Variants in PAPPA2 observed in about 807,000 individuals in gnomAD.
PAPPA2 encodes the protein pappalysin 2.
A neutral mutation model predicts 176.4 loss-of-function variants in PAPPA2; 86 were observed. The ratio of observed to expected loss-of-function variants is 0.49; its 90% CI spans 0.41 to 0.58. The LOEUF is 0.58. PAPPA2 is among the 20% of genes least tolerant of loss of function. The probability of loss-of-function intolerance (pLI) is 0.00; values close to 1 mark genes in which losing one functional copy is unlikely to be tolerated. For missense variants in PAPPA2, 2,073 were observed against 2,256.9 expected, an observed-to-expected ratio of 0.92 and a Z score of 1.65; for synonymous variants, 809 against 852.2, an observed-to-expected ratio of 0.95 and a Z score of 0.88.
In PAPPA2 at chr1:176,793,542, A is replaced by G. The variant is rs1193298872; in HGVS notation, c.5021-18A>G. 1.3e-6 allele frequency: 2 copies of G among 1,577,482 alleles called. No homozygotes were observed. The highest frequency in any genetic ancestry group is 1.7e-6 in the Non-Finnish European group (2 of 1,148,434). ...TCTGGGAAGTTCAAGTCTCTGCTGT[A>G]AACTTCTGTTCTTTCAGGTGCAGTG... On this transcript the variant is annotated intron_variant, in intron 19 of 22. Coordinates refer to ENST00000367662, the MANE Select transcript of PAPPA2 (RefSeq NM_020318.3).
chr1:176,494,724 G>A (rs950765307), intron 1 of PAPPA2, among the ~76,000 whole-genome samples: 4 of 152,094 alleles, frequency 2.6e-5, no homozygotes, highest in Admixed American at 6.6e-5. Flanking sequence ...CTCCTCATTC[G>A]TCACTCTCTC....
intron 2 of PAPPA2, among the ~76,000 whole-genome samples, chr1:176,563,527 T>C (rs1257855441): frequency 6.6e-6 from 1 of 152,194 alleles, no homozygotes; most frequent in African/African-American, 2.4e-5. Context: ...TTATGTGTTC[T>C]CTGTGGTGGC....
At chr1:176,819,590 G>C (rs965482731) in intron 21 of PAPPA2, among the ~76,000 whole-genome samples, 1 of 152,148 alleles carries the variant, frequency 6.6e-6, no homozygotes, top group Non-Finnish European at 1.5e-5. Flanking sequence ...ATGTTTGTGA[G>C]GGCATTTGTA....
intron 1 of PAPPA2, among the ~76,000 whole-genome samples, chr1:176,489,883 A>G (rs1198813654): frequency 5.3e-5 from 8 of 152,140 alleles, no homozygotes; most frequent in Non-Finnish European, 1.0e-4. Flanking sequence ...TCATTCAGCT[A>G]TTTATCTCTG....
At chr1:176,784,669 C>T (rs903670178) in intron 17 of PAPPA2, among the ~76,000 whole-genome samples, 3 of 151,842 alleles carry the variant, frequency 2.0e-5, no homozygotes, top group Non-Finnish European at 4.4e-5. Flanking sequence ...TCACTACAAC[C>T]TCCGCCTCCC....
chr1:176,584,145 G>A (rs986307962), intron 2 of PAPPA2, among the ~76,000 whole-genome samples: 3 of 152,192 alleles, frequency 2.0e-5, no homozygotes, highest in Non-Finnish European at 4.4e-5. Context: ...CAGCTGTTGT[G>A]TGAAATGTTC....
chr1:176,830,205 A>G (rs1355482874), intron 21 of PAPPA2, among the ~76,000 whole-genome samples: 2 of 152,184 alleles, frequency 1.3e-5, no homozygotes, highest in Non-Finnish European at 2.9e-5. Context: ...CCCATCTCTT[A>G]AAAAATAAAT....
chr1:176,582,090 A>ATT (rs1347048550), intron 2 of PAPPA2, among the ~76,000 whole-genome samples: 4 of 147,312 alleles, frequency 2.7e-5, no homozygotes, highest in African/African-American at 1.0e-4. Context: ...CGCCCGGCTA[A>ATT]TTTTTTTTTT....
intron 21 of PAPPA2, among the ~76,000 whole-genome samples, chr1:176,811,025 T>C (rs953279326): frequency 1.3e-5 from 2 of 152,182 alleles, no homozygotes; most frequent in Non-Finnish European, 2.9e-5. Context: ...TATTACACTT[T>C]AGTAATATAT....
rs555245899 is a variant in PAPPA2, at chr1:176,764,135, C to G, written c.4152-1531C>G. Among the ~76,000 whole-genome samples, 3 of 152,228 alleles carry G rather than the reference C, an allele frequency of 2.0e-5. No homozygotes were observed. In the East Asian group the frequency reaches 5.8e-4, roughly 29 times the overall value. ...TCACTACCACAAGAACAGCACTAAGCCATTCATGAGGGATCCACCCTCATG... is the reference window on the plus strand; with the variant it reads ...TCACTACCACAAGAACAGCACTAAGGCATTCATGAGGGATCCACCCTCATG... On this transcript the variant is annotated intron_variant, in intron 14 of 22. Coordinates refer to ENST00000367662, the MANE Select transcript of PAPPA2 (RefSeq NM_020318.3).
At chr1:176,465,856 CTCA>C (rs1651596188) in intron 1 of PAPPA2, among the ~76,000 whole-genome samples, 1 of 152,008 alleles carries the variant, frequency 6.6e-6, no homozygotes, top group African/African-American at 2.4e-5. Context: ...GTCATGTGTT[CTCA>C]TCATTTAGCT....
chr1:176,782,481 G>A (rs1386913988), intron 17 of PAPPA2, among the ~76,000 whole-genome samples: 1 of 152,028 alleles, frequency 6.6e-6, no homozygotes, highest in African/African-American at 2.4e-5. Context: ...GATGCTTTTG[G>A]GTGGTAAGAA....
At chr1:176,760,326 A>G (rs369520018) in intron 14 of PAPPA2, among the ~76,000 whole-genome samples, 7 of 152,364 alleles carry the variant, frequency 4.6e-5, no homozygotes, top group African/African-American at 1.7e-4. Flanking sequence ...ATAGTAAAAC[A>G]TAATGATGAA....
At chr1:176,765,563 T>C (rs938627388) in intron 14 of PAPPA2, 103 bp from the exon 15 acceptor site, 5 of 1,111,948 alleles carry the variant, frequency 4.5e-6, no homozygotes, top group Non-Finnish European at 6.5e-6. Flanking sequence ...GAGAAAATTG[T>C]TCTCTCTGGT....
intron 3 of PAPPA2, among the ~76,000 whole-genome samples, chr1:176,621,135 C>G (rs925825185): frequency 1.3e-5 from 2 of 152,170 alleles, no homozygotes; most frequent in Non-Finnish European, 2.9e-5. Context: ...ATATTCATAA[C>G]AGGTAAGAAT....
At position 176,793,654 on chromosome 1, in the gene PAPPA2, A is replaced by G; in HGVS notation, c.5115A>G (p.Glu1705=). ...ITADTLEHWM[E]PVKVQSIVCT... ...CTGACACTCTGGAGCACTGGATGGAACCTGTCAAAGTCCAGGTGAGGAAAG... is the reference window on the plus strand; with the variant it reads ...CTGACACTCTGGAGCACTGGATGGAGCCTGTCAAAGTCCAGGTGAGGAAAG... The change falls in exon 20 of 23, where the codon GAA becomes GAG. Residue 1705 remains glutamate, a synonymous_variant. Coordinates refer to ENST00000367662, the MANE Select transcript of PAPPA2 (RefSeq NM_020318.3). The G allele has an allele frequency of 6.2e-7, 1 of 1,608,586 alleles. No homozygotes were observed. The highest frequency in any genetic ancestry group is 8.5e-7 in the Non-Finnish European group (1 of 1,176,314).
At chr1:176,737,815 C>T (rs1426108384) in intron 12 of PAPPA2, among the ~76,000 whole-genome samples, 1 of 152,088 alleles carries the variant, frequency 6.6e-6, no homozygotes, top group Non-Finnish European at 1.5e-5. Flanking sequence ...AAAAGGTAGA[C>T]ACTCACACCA....
At chr1:176,679,713 G>A (rs555338329) in intron 4 of PAPPA2, among the ~76,000 whole-genome samples, 1 of 152,238 alleles carries the variant, frequency 6.6e-6, no homozygotes, top group Admixed American at 6.5e-5. Flanking sequence ...CCAGGCCAGC[G>A]AGATAATATC....
At chr1:176,779,772 A>C (rs998357603) in intron 17 of PAPPA2, among the ~76,000 whole-genome samples, 2 of 152,212 alleles carry the variant, frequency 1.3e-5, no homozygotes, top group African/African-American at 4.8e-5. Context: ...TTAAGCACCA[A>C]GGCTAGAGCT....
Sources: gnomAD v4.1 joint callset for allele counts (sites outside exome capture counted in the v4.1 genomes callset) on GRCh38, gnomAD v4.1.1 for gene constraint, MANE v1.5 for transcripts, NCBI Gene and HGNC (gene_info 2026-07-23, HGNC 2026-07-21) for gene names.